STON1: variants seen among roughly 807,000 people sequenced by gnomAD.
STON1 encodes the protein stonin 1.
Under a neutral mutation model 60.9 loss-of-function variants are expected in STON1, and 79 were observed. That is an observed-to-expected ratio of 1.30 (90% CI 1.08 to 1.56). The LOEUF (loss-of-function observed/expected upper bound fraction) is 1.56. STON1 is among the 40% of genes most tolerant of loss of function. STON1 has a pLI of 0.00. For missense variants in STON1, 1,166 were observed against 858.9 expected (o/e 1.36, Z -4.47); for synonymous variants, 363 against 306.9 (o/e 1.18, Z -1.91).
intron 2 of STON1, among the ~76,000 whole-genome samples, chr2:48,584,894 G>A (rs919985342): frequency 1.3e-5 from 2 of 152,284 alleles, no homozygotes; most frequent in South Asian, 4.1e-4. Context: ...ACTGATGAGA[G>A]CTTGAGCTAT....
At chr2:48,555,511 A>C (rs1397777282) in intron 1 of STON1, among the ~76,000 whole-genome samples, 3 of 68,126 alleles carry the variant, frequency 4.4e-5, no homozygotes, top group Non-Finnish European at 8.6e-5. Flanking sequence ...TGACCCCCCC[A>C]CCTCCCTCAC....
intron 1 of STON1, among the ~76,000 whole-genome samples, chr2:48,572,477 G>T (rs1572963517): frequency 6.6e-6 from 1 of 152,150 alleles, no homozygotes; most frequent in African/African-American, 2.4e-5. Context: ...GGAGATGTTT[G>T]TGTAAGGTTT....
intron 1 of STON1, among the ~76,000 whole-genome samples, chr2:48,552,006 C>T (rs1377823371): frequency 6.6e-6 from 1 of 152,238 alleles, no homozygotes; most frequent in African/African-American, 2.4e-5. Context: ...GTCCTGACAT[C>T]TGCCGTGGGA....
At chr2:48,590,007 C>G (rs1044561523) in intron 2 of STON1, among the ~76,000 whole-genome samples, 2 of 152,186 alleles carry the variant, frequency 1.3e-5, no homozygotes, top group Non-Finnish European at 2.9e-5. Context: ...GAAACTGAGG[C>G]TCAGAGAGAT....
intron 1 of STON1, among the ~76,000 whole-genome samples, chr2:48,545,780 C>A (rs1671840972): frequency 6.6e-6 from 1 of 152,206 alleles, no homozygotes; most frequent in African/African-American, 2.4e-5. Flanking sequence ...TCTCTACCTC[C>A]ACCCCTTTGT....
Position 48,564,505 on chromosome 2 carries a change from T to C in STON1, c.-47-16082T>C, listed in dbSNP as rs1344921096. On this transcript the variant is annotated intron_variant, in intron 1 of 3. Transcript: ENST00000404752. ...TTTCTTCTTCTTCTTCTTCTTCTTCTTCTTCTTCTTCTTCTTCTTCTTCTT... is the reference window on the plus strand; with the variant it reads ...TTTCTTCTTCTTCTTCTTCTTCTTCCTCTTCTTCTTCTTCTTCTTCTTCTT... Among the ~76,000 whole-genome samples, 13 of 25,596 alleles carry C rather than the reference T, an allele frequency of 5.1e-4. 1 individual carries two copies. Among genetic ancestry groups the C allele is most frequent in the Non-Finnish European group, 7.9e-4 (11 of 13,840 alleles). 16.8% of individuals were successfully genotyped at this position (25,596 alleles called of 152,430 possible).
intron 1 of STON1, among the ~76,000 whole-genome samples, chr2:48,535,874 C>T (rs1222492778): frequency 2.6e-5 from 4 of 151,602 alleles, no homozygotes; most frequent in Non-Finnish European, 4.4e-5. Context: ...ATCGCTTGAG[C>T]TCAGGAGTTT....
intron 2 of STON1, among the ~76,000 whole-genome samples, chr2:48,587,355 C>T (rs1224811283): frequency 2.6e-5 from 4 of 152,118 alleles, no homozygotes; most frequent in Non-Finnish European, 5.9e-5. Context: ...TGCAATGGCA[C>T]CATCTTGGCT....
intron 2 of STON1, among the ~76,000 whole-genome samples, chr2:48,588,050 G>A (rs548951151): frequency 6.6e-6 from 1 of 152,184 alleles, no homozygotes; most frequent in Non-Finnish European, 1.5e-5. Context: ...AATAAGGTTG[G>A]AGCAGAGAGG....
Position 48,581,616 on chromosome 2 carries a change from G to A in STON1, c.983G>A (p.Cys328Tyr). Residue 328 changes from cysteine to tyrosine, a missense_variant, in exon 2 of 4, where the codon TGT becomes TAT. Physicochemically the swap from Cys to Tyr is radical, Grantham distance 194. Coordinates refer to ENST00000404752, the MANE Select transcript of STON1 (RefSeq NM_006873.4). ...AAAGAGATACAGCTTGATCCATATT[G>A]TAGGCTTTCTGAACCCAAGGTTGAG... is the stretch of plus-strand genomic sequence containing the variant. The part of the protein sequence containing the change: ...PFKEIQLDPY[C>Y]RLSEPKVENF... 4 of 1,614,194 alleles carry A rather than the reference G, an allele frequency of 2.5e-6. No individual in the cohort carries two copies. Among genetic ancestry groups the A allele is most frequent in the Admixed American group, 1.7e-5 (1 of 60,016 alleles).
chr2:48,590,538 C>T lies in STON1; in HGVS notation c.1931-1115C>T, dbSNP rs148171619. Among the ~76,000 whole-genome samples the T allele has an allele frequency of 8.2e-4, 125 of 151,942 alleles. 1 individual carries two copies. Among genetic ancestry groups the T allele is most frequent in the Non-Finnish European group, 1.3e-4 (9 of 67,978 alleles). On this transcript the variant is annotated intron_variant, in intron 2 of 3. Coordinates refer to ENST00000404752, the MANE Select transcript of STON1 (RefSeq NM_006873.4). ...ACATTTATTTAAGTAAAGATAGCCA[C>T]ATTAGATATGGAGATGCTATGAACA...
chr2:48,564,627 C>T lies in STON1; in HGVS notation c.-47-15960C>T, dbSNP rs1243189670. 9.8e-5 allele frequency among the ~76,000 whole-genome samples: 12 copies of T among 121,846 alleles called. 1 individual carries two copies. The highest frequency in any genetic ancestry group is 4.3e-4 in the Admixed American group (5 of 11,628). The allele number at this position is 121,846 out of a possible 152,430, so 79.9% of individuals were successfully genotyped here. ...CCTTCTCCTTCTCCTTCTCCTTCTC[C>T]TTCTCTTTCTCCTTCTCCTTCTTCT... On this transcript the variant is annotated intron_variant, in intron 1 of 3. Transcript: ENST00000404752.
chr2:48,543,539 T>A (rs1671745771), intron 1 of STON1, among the ~76,000 whole-genome samples: 1 of 149,478 alleles, frequency 6.7e-6, no homozygotes, highest in Non-Finnish European at 1.5e-5. Context: ...CTTTTTTTTT[T>A]TTTTTTTTTT....
intron 1 of STON1, among the ~76,000 whole-genome samples, chr2:48,576,769 T>TA (rs1673523566): frequency 5.9e-5 from 9 of 152,128 alleles, no homozygotes; most frequent in Admixed American, 5.9e-4. Flanking sequence ...GAAATACCGT[T>TA]TGCAGGCCGG....
intron 2 of STON1, among the ~76,000 whole-genome samples, chr2:48,586,114 T>G (rs1351707167): frequency 6.6e-6 from 1 of 152,240 alleles, no homozygotes; most frequent in South Asian, 2.1e-4. Context: ...TTTTTCAAAC[T>G]GAGAACCCAT....
At chr2:48,564,480 T>TTCTTCTTCTTCTTCTTCTTCCTC (rs1558604783) in intron 1 of STON1, among the ~76,000 whole-genome samples, 3 of 32,480 alleles carry the variant, frequency 9.2e-5, no homozygotes, top group Admixed American at 2.9e-4. Context: ...CTTCTTCTTC[T>TTCTTCTTCTTCTTCTTCTTCCTC]TTCTTCTTCT....
chr2:48,557,504 A>C (rs1401046073), intron 1 of STON1, among the ~76,000 whole-genome samples: 1 of 107,406 alleles, frequency 9.3e-6, no homozygotes, highest in South Asian at 3.5e-4. Flanking sequence ...GCGGCCAGGC[A>C]GAGACACTCC....
At chr2:48,539,071 C>G (rs1671550717) in intron 1 of STON1, among the ~76,000 whole-genome samples, 1 of 152,032 alleles carries the variant, frequency 6.6e-6, no homozygotes. Flanking sequence ...GTGCGCACCA[C>G]TATGCCCAGC....
At position 48,582,448 on chromosome 2, in the gene STON1, T is replaced by C. The variant is rs1435741091; in HGVS notation, c.1815T>C (p.Ser605=). Residue 605 remains serine, a synonymous_variant, in exon 2 of 4, where the codon AGT becomes AGC. Transcript: ENST00000404752. The part of the protein sequence containing the change: ...AKMNRRACLG[S]LQELESEPVI... ...TGAACCGCCGAGCATGTCTGGGGAG[T>C]TTACAGGAACTTGAATCTGAACCTG... 1.2e-6 allele frequency: 2 copies of C among 1,614,044 alleles called. No homozygotes were observed. The highest frequency in any genetic ancestry group is 1.7e-6 in the Non-Finnish European group (2 of 1,180,016).
Sources: gnomAD v4.1 joint callset for allele counts (sites outside exome capture counted in the v4.1 genomes callset) on GRCh38, gnomAD v4.1.1 for gene constraint, MANE v1.5 for transcripts, NCBI Gene and HGNC (gene_info 2026-07-23, HGNC 2026-07-21) for gene names.